ESR1: variants seen among roughly 807,000 people sequenced by gnomAD.
ESR1 encodes the protein estrogen receptor.
A neutral mutation model predicts 52.7 loss-of-function variants in ESR1; 12 were observed. That is an observed-to-expected ratio of 0.23 (90% CI 0.15 to 0.37). ESR1 has a LOEUF of 0.37. ESR1 is among the 10% of genes least tolerant of loss of function. The probability of loss-of-function intolerance (pLI) is 1.00; values close to 1 mark genes in which losing one functional copy is unlikely to be tolerated. For missense variants in ESR1, 584 were observed against 779.7 expected (o/e 0.75, Z 2.99); for synonymous variants, 305 against 316.8 (o/e 0.96, Z 0.39).
intron 1 of ESR1, among the ~76,000 whole-genome samples, chr6:151,663,764 A>G (rs2115210771): frequency 6.6e-6 from 1 of 152,342 alleles, no homozygotes; most frequent in Non-Finnish European, 1.5e-5. Flanking sequence ...AGGGAAACAC[A>G]CATTGCAAGT....
At chr6:151,668,287 CTT>C (rs35960345) in intron 1 of ESR1, among the ~76,000 whole-genome samples, 1 of 149,884 alleles carries the variant, frequency 6.7e-6, no homozygotes, top group Non-Finnish European at 1.5e-5. Context: ...CTTTTTTTTT[CTT>C]TTTTTTTGAG....
chr6:152,110,759 C>A (rs75473134), intron 6 of ESR1, among the ~76,000 whole-genome samples: 1 of 152,116 alleles, frequency 6.6e-6, no homozygotes, highest in African/African-American at 2.4e-5. Context: ...GAACTTTTAA[C>A]GCAAAAGGAG....
chr6:151,872,792 A>C (rs1319427063), intron 2 of ESR1, among the ~76,000 whole-genome samples: 1 of 152,196 alleles, frequency 6.6e-6, no homozygotes, highest in Non-Finnish European at 1.5e-5. Flanking sequence ...AGATACAGAC[A>C]CTAGGTACTG....
rs1207506439 is a variant in ESR1 at position 152,099,480 on chromosome 6, T to C, written c.*514T>C. 1 of 268,770 alleles carries C rather than the reference T, an allele frequency of 3.7e-6. No individual in the cohort carries two copies. Among genetic ancestry groups the C allele is most frequent in the African/African-American group, 2.1e-5 (1 of 46,818 alleles). The allele number at this position is 268,770 out of a possible 1,614,324, so 16.6% of individuals were successfully genotyped here. ...GTATTCCTATGGCAATGCATCCTTTTATGAAAGTGGTACACCTTAAAGCTT... is the reference window on the plus strand; with the variant it reads ...GTATTCCTATGGCAATGCATCCTTTCATGAAAGTGGTACACCTTAAAGCTT... On this transcript the variant is annotated 3_prime_UTR_variant, in exon 8 of 8. Transcript: ENST00000206249.
chr6:151,717,734 C>T (rs1442399077), intron 2 of ESR1, among the ~76,000 whole-genome samples: 1 of 151,972 alleles, frequency 6.6e-6, no homozygotes, highest in African/African-American at 2.4e-5. Flanking sequence ...CCATATTAAT[C>T]ATGTATGATT....
intron 1 of ESR1, among the ~76,000 whole-genome samples, chr6:151,691,065 A>G (rs909437324): frequency 2.0e-5 from 3 of 152,240 alleles, no homozygotes; most frequent in Non-Finnish European, 2.9e-5. Flanking sequence ...TCAGAGTAGC[A>G]TGAACACACT....
intron 1 of ESR1, among the ~76,000 whole-genome samples, chr6:151,840,913 T>A (rs1190488545): frequency 1.3e-5 from 2 of 152,192 alleles, no homozygotes; most frequent in African/African-American, 4.8e-5. Flanking sequence ...CCAGGTACTG[T>A]GCTGGGCTCT....
At chr6:151,916,164 T>G (rs1584202889) in intron 3 of ESR1, among the ~76,000 whole-genome samples, 2 of 152,302 alleles carry the variant, frequency 1.3e-5, no homozygotes, top group East Asian at 3.9e-4. Flanking sequence ...TATTTGATAT[T>G]CAGGAACAAA....
intron 3 of ESR1, among the ~76,000 whole-genome samples, chr6:151,931,197 C>A (rs908539680): frequency 6.6e-6 from 1 of 151,594 alleles, no homozygotes; most frequent in African/African-American, 2.4e-5. Flanking sequence ...CTTGTTATAC[C>A]TTTTGCTTTT....
intron 2 of ESR1, among the ~76,000 whole-genome samples, chr6:151,855,562 T>C (rs1043221070): frequency 6.6e-6 from 1 of 152,192 alleles, no homozygotes; most frequent in Non-Finnish European, 1.5e-5. Context: ...GTAACAGATA[T>C]GTATTGAATG....
chr6:152,099,013 A>G lies in ESR1; in HGVS notation c.*47A>G, dbSNP rs749413347. On this transcript the variant is annotated 3_prime_UTR_variant, in exon 8 of 8. Transcript: ENST00000206249. ...GTTCAGATAATCCCTGCTGCATTTTACCCTCATCATGCACCACTTTAGCCA... is the reference window on the plus strand; with the variant it reads ...GTTCAGATAATCCCTGCTGCATTTTGCCCTCATCATGCACCACTTTAGCCA... 3 of 1,519,184 alleles carry G rather than the reference A, an allele frequency of 2.0e-6. No individual in the cohort carries two copies. In the South Asian group the frequency reaches 3.4e-5, roughly 17 times the overall value. The allele number at this position is 1,519,184 out of a possible 1,614,324, so 94.1% of individuals were successfully genotyped here.
chr6:152,009,219 T>C (rs1250876807), intron 4 of ESR1, among the ~76,000 whole-genome samples: 3 of 152,134 alleles, frequency 2.0e-5, no homozygotes, highest in Admixed American at 1.3e-4. Flanking sequence ...AGTCCTTCTT[T>C]ACATGAGTGG....
intron 2 of ESR1, among the ~76,000 whole-genome samples, chr6:151,867,358 T>A (rs1412226611): frequency 1.3e-5 from 2 of 151,672 alleles, no homozygotes; most frequent in African/African-American, 2.4e-5. Context: ...ATTTTTGCAA[T>A]CTATCCATCT....
intron 2 of ESR1, among the ~76,000 whole-genome samples, chr6:151,716,719 C>CT (rs1781067722): frequency 6.6e-6 from 1 of 152,192 alleles, no homozygotes; most frequent in South Asian, 2.1e-4. Flanking sequence ...GTTCTGACTG[C>CT]TGTGCTGGCA....
chr6:151,838,918 T>C (rs957434562), intron 1 of ESR1, among the ~76,000 whole-genome samples: 2 of 152,202 alleles, frequency 1.3e-5, no homozygotes, highest in Admixed American at 6.5e-5. Context: ...ATCTTTGCTA[T>C]TTCTGAGGAA....
intron 2 of ESR1, among the ~76,000 whole-genome samples, chr6:151,765,969 A>G (rs1418457357): frequency 6.6e-6 from 1 of 152,196 alleles, no homozygotes; most frequent in Admixed American, 6.5e-5. Context: ...AAAACTTTTC[A>G]AAGTAGATGA....
chr6:152,006,411 C>G (rs754492841), intron 4 of ESR1, among the ~76,000 whole-genome samples: 1 of 151,566 alleles, frequency 6.6e-6, no homozygotes, highest in Non-Finnish European at 1.5e-5. Flanking sequence ...AAGGTCATTT[C>G]AACTGTACTA....
chr6:151,992,143 A>G (rs887011413), intron 4 of ESR1, among the ~76,000 whole-genome samples: 1 of 152,174 alleles, frequency 6.6e-6, no homozygotes, highest in Non-Finnish European at 1.5e-5. Context: ...TATGCCCTAA[A>G]AATGTATTGT....
At chr6:152,043,592 G>C (rs1220469845) in intron 5 of ESR1, among the ~76,000 whole-genome samples, 2 of 152,170 alleles carry the variant, frequency 1.3e-5, no homozygotes, top group South Asian at 2.1e-4. Flanking sequence ...GTCTTTCCTG[G>C]CAACTGCCTC....
Sources: gnomAD v4.1 joint callset for allele counts (sites outside exome capture counted in the v4.1 genomes callset) on GRCh38, gnomAD v4.1.1 for gene constraint, MANE v1.5 for transcripts, NCBI Gene and HGNC (gene_info 2026-07-23, HGNC 2026-07-21) for gene names.